MDH2: variants seen among roughly 807,000 people sequenced by gnomAD.
MDH2 encodes the protein malate dehydrogenase 2.
A neutral mutation model predicts 33.6 loss-of-function variants in MDH2; 25 were observed. The ratio of observed to expected loss-of-function variants is 0.74; its 90% confidence interval spans 0.54 to 1.04. MDH2 has a LOEUF of 1.04. MDH2 is among the 50% of genes least tolerant of loss of function. The pLI, the probability that MDH2 is intolerant of heterozygous loss-of-function variation, is 0.00. For missense variants in MDH2, 432 were observed against 445.0 expected (o/e 0.97, Z 0.26); for synonymous variants, 193 against 188.7 (o/e 1.02, Z -0.19).
At chr7:76,055,854 T>G (rs1258938475) in intron 2 of MDH2, among the ~76,000 whole-genome samples, 2 of 143,374 alleles carry the variant, frequency 1.4e-5, no homozygotes, top group Admixed American at 7.2e-5. Flanking sequence ...TTTGAGACCA[T>G]GTCTTCCTCT....
At position 76,064,434 on chromosome 7, in the gene MDH2, A is replaced by G. The variant is rs1369704251; in HGVS notation, c.729A>G (p.Gly243=). ...CGGAGGTGGTCAAGGCTAAAGCCGG[A>G]GCAGGTAGAGTCTCAGGCAGCCCCG... is the stretch of plus-strand genomic sequence containing the variant. The part of the protein sequence containing the change: ...AGTEVVKAKA[G]AGSATLSMAY... The change falls in exon 7 of 9, where the codon GGA becomes GGG. Residue 243 remains glycine (G), a synonymous_variant. Transcript: ENST00000315758. 1 of 1,612,018 alleles carries G rather than the reference A, an allele frequency of 6.2e-7. No homozygotes were observed. The highest frequency in any genetic ancestry group is 8.5e-7 in the Non-Finnish European group (1 of 1,179,304).
intron 1 of MDH2, among the ~76,000 whole-genome samples, chr7:76,051,502 G>A (rs1317234531): frequency 6.6e-6 from 1 of 151,732 alleles, no homozygotes; most frequent in African/African-American, 2.4e-5. Context: ...TGTATTTTTA[G>A]TAGAGACAGG....
intron 7 of MDH2, among the ~76,000 whole-genome samples, 155 bp downstream of exon 7, chr7:76,064,593 C>T (rs782660202): frequency 2.0e-5 from 3 of 152,176 alleles, no homozygotes; most frequent in African/African-American, 7.2e-5. Flanking sequence ...GAGGGCAGCT[C>T]GGCCTGCTTT....
At position 76,067,276 on chromosome 7, in the gene MDH2, A is replaced by G. The variant is rs1554588096; in HGVS notation, c.*866A>G. On this transcript the variant is annotated 3_prime_UTR_variant, in exon 9 of 9. Transcript: ENST00000315758. Reference sequence around the variant, plus strand: ...AAACTGAAAGCTGCATACCTGGGAAAGAACTTTCTAGGAATAGGCAATGGC... The same window carrying G: ...AAACTGAAAGCTGCATACCTGGGAAGGAACTTTCTAGGAATAGGCAATGGC... 2 of 152,260 alleles carry G rather than the reference A, an allele frequency of 1.3e-5. No individual in the cohort carries two copies. The highest frequency in any genetic ancestry group is 6.5e-5 in the Admixed American group (1 of 15,288). The allele number at this position is 152,260 out of a possible 1,614,324, so 9.4% of individuals were successfully genotyped here.
chr7:76,060,243 G>A lies in MDH2; in HGVS notation c.430-130G>A, dbSNP rs1222001231. 1.2e-5 allele frequency: 15 copies of A among 1,205,152 alleles called. No individual in the cohort carries two copies. The Admixed American group carries it at 3.8e-4, about 30-fold the overall frequency. 74.7% of individuals were successfully genotyped at this position (1,205,152 alleles called of 1,614,324 possible). ...TGCCAGTACAGAGTTATCAGACAGGGCAGTTTAATGTGGCATCTTTGGACT... is the reference window on the plus strand; with the variant it reads ...TGCCAGTACAGAGTTATCAGACAGGACAGTTTAATGTGGCATCTTTGGACT... On this transcript the variant is annotated intron_variant, in intron 4 of 8. Coordinates refer to ENST00000315758, the MANE Select transcript of MDH2 (RefSeq NM_005918.4).
intron 1 of MDH2, among the ~76,000 whole-genome samples, chr7:76,049,893 G>C (rs782412080): frequency 6.6e-5 from 10 of 152,164 alleles, no homozygotes; most frequent in Non-Finnish European, 1.3e-4. Context: ...GTGCAGTGGC[G>C]TGATCTCGGT....
chr7:76,062,353 G>A (rs1797979587), intron 5 of MDH2, among the ~76,000 whole-genome samples: 1 of 152,238 alleles, frequency 6.6e-6, no homozygotes, highest in African/African-American at 2.4e-5. Context: ...GGAAAGCAGG[G>A]CTGTGTCCCT....
intron 5 of MDH2, among the ~76,000 whole-genome samples, chr7:76,060,832 T>G (rs1797926513): frequency 6.6e-6 from 1 of 151,896 alleles, no homozygotes; most frequent in Non-Finnish European, 1.5e-5. Flanking sequence ...CCTTTCTCCT[T>G]GCCCCTGAAA....
rs530821789 is a variant in MDH2 at position 76,064,900 on chromosome 7, G to A, written c.832G>A (p.Val278Ile). The A allele has an allele frequency of 1.1e-5, 18 of 1,614,062 alleles. No individual in the cohort carries two copies. The highest frequency in any genetic ancestry group is 8.8e-5 in the South Asian group (8 of 91,082). The stretch of plus-strand genomic sequence containing the variant: ...GGAAGGTGTTGTGGAATGTTCCTTC[G>A]TTAAGTCACAGGAAACGGAATGTAC... ...GKEGVVECSF[V>I]KSQETECTYF... is the part of the protein sequence containing the mutation. Residue 278 changes from valine to isoleucine, a missense_variant, in exon 8 of 9, where the codon GTT becomes ATT. Physicochemically the swap from Val to Ile is conservative, Grantham distance 29. Transcript: ENST00000315758.
intron 4 of MDH2, 147 bp from the exon 5 acceptor site, chr7:76,060,226 C>A: frequency 9.4e-7 from 1 of 1,058,756 alleles, no homozygotes; most frequent in Non-Finnish European, 1.3e-6. Context: ...CTTGCCAGTA[C>A]AGAGTTATCA....
At chr7:76,055,067 A>G in intron 2 of MDH2, 69 bp downstream of exon 2, 1 of 1,502,474 alleles carries the variant, frequency 6.7e-7, no homozygotes, top group Non-Finnish European at 8.9e-7. Flanking sequence ...GTTTTGAGTA[A>G]GATTCTTAGA....
chr7:76,065,357 G>T (rs938642482), intron 8 of MDH2, among the ~76,000 whole-genome samples: 2 of 152,126 alleles, frequency 1.3e-5, no homozygotes, highest in East Asian at 3.9e-4. Context: ...CATCCAGACA[G>T]CCTGAGTCTT....
rs375592605 is a variant in MDH2 at position 76,054,989 on chromosome 7, G to T, written c.226G>T (p.Ala76Ser). The change falls in exon 2 of 9, where the codon GCT becomes TCT. Residue 76 changes from alanine to serine, a missense_variant. By Grantham distance (99) the Ala-to-Ser change is moderately conservative. Transcript: ENST00000315758. ...ADLSHIETKA[A>S]VKGYLGPEQL... ...TCTGAGCCACATCGAGACCAAAGCC[G>T]CTGTGAAAGGTACTGGGCGCGCTGA... The T allele has an allele frequency of 6.2e-7, 1 of 1,613,154 alleles. No homozygotes were observed. The highest frequency in any genetic ancestry group is 1.7e-5 in the Admixed American group (1 of 59,832).
chr7:76,064,099 T>A (rs79708028), intron 6 of MDH2, among the ~76,000 whole-genome samples: 1 of 152,036 alleles, frequency 6.6e-6, no homozygotes, highest in South Asian at 2.1e-4. Context: ...TTTTTTTTTT[T>A]TATCTTTTTA....
At chr7:76,053,127 T>A (rs1797671971) in intron 1 of MDH2, among the ~76,000 whole-genome samples, 1 of 152,174 alleles carries the variant, frequency 6.6e-6, no homozygotes, top group Non-Finnish European at 1.5e-5. Flanking sequence ...GGGAGGGTGG[T>A]TGAGCTGCCA....
At chr7:76,055,710 C>G (rs1195331929) in intron 2 of MDH2, among the ~76,000 whole-genome samples, 1 of 146,020 alleles carries the variant, frequency 6.8e-6, no homozygotes, top group Non-Finnish European at 1.5e-5. Flanking sequence ...GCACTTCAGC[C>G]TAGGTGAGAT....
intron 1 of MDH2, among the ~76,000 whole-genome samples, chr7:76,049,672 T>C (rs1797544353): frequency 2.0e-5 from 3 of 152,140 alleles, no homozygotes. Context: ...AGCTAGGTAC[T>C]GGAAATACAG....
chr7:76,056,821 T>C (rs1797799773), intron 2 of MDH2, among the ~76,000 whole-genome samples: 1 of 152,104 alleles, frequency 6.6e-6, no homozygotes, highest in Admixed American at 6.6e-5. Context: ...AAAACCAGCC[T>C]TGCCAACCTG....
Position 76,064,663 on chromosome 7 carries a change from G to A in MDH2, c.734-139G>A, listed in dbSNP as rs1414687314. Reference sequence around the variant, plus strand: ...TCAATTCTACACCATTCATGTATAAGTAACAAGAAATCGGGGTGCTGACTG... The same window carrying A: ...TCAATTCTACACCATTCATGTATAAATAACAAGAAATCGGGGTGCTGACTG... On this transcript the variant is annotated intron_variant, in intron 7 of 8. Transcript: ENST00000315758. 8 of 1,041,992 alleles carry A rather than the reference G, an allele frequency of 7.7e-6. No individual in the cohort carries two copies. In the Admixed American group the frequency reaches 1.3e-4, roughly 17 times the overall value. 64.5% of individuals were successfully genotyped at this position (1,041,992 alleles called of 1,614,324 possible).
Sources: allele counts gnomAD v4.1 joint callset (sites outside exome capture counted in the v4.1 genomes callset), GRCh38; gene constraint gnomAD v4.1.1; transcripts MANE v1.5; gene names NCBI Gene and HGNC (gene_info 2026-07-23, HGNC 2026-07-21).